Variants in NDST3 observed in about 807,000 individuals in gnomAD.
The protein encoded by NDST3 is N-deacetylase and N-sulfotransferase 3, also known as bifunctional heparan sulfate N-deacetylase/N-sulfotransferase 3.
NDST3 carries 58 observed loss-of-function variants against 96.1 expected under a neutral mutation model. That is an observed-to-expected ratio of 0.60 (90% CI 0.49 to 0.75). The LOEUF is 0.75. Among genes scored for constraint, NDST3 ranks in the 30% least tolerant of loss-of-function variants. NDST3 has a pLI of 0.00. For synonymous variants in NDST3, 333 were observed against 359.7 expected (o/e 0.93, Z 0.84); for missense variants, 788 against 1,034.2 (o/e 0.76, Z 3.27).
chr4:118,097,201 A>G (rs1460909054), intron 2 of NDST3, among the ~76,000 whole-genome samples: 3 of 151,950 alleles, frequency 2.0e-5, no homozygotes, highest in Non-Finnish European at 4.4e-5. Flanking sequence ...GTTAACCCTC[A>G]CAGAGTACTT....
intron 6 of NDST3, among the ~76,000 whole-genome samples, chr4:118,166,242 A>G (rs1020789717): frequency 6.6e-6 from 1 of 151,928 alleles, no homozygotes; most frequent in Non-Finnish European, 1.5e-5. Context: ...GATCACTGGA[A>G]TAAAGATGAT....
intron 5 of NDST3, among the ~76,000 whole-genome samples, chr4:118,142,285 A>G (rs1446752588): frequency 6.6e-6 from 1 of 151,830 alleles, no homozygotes; most frequent in Admixed American, 6.6e-5. Context: ...CAACTTACCA[A>G]AATAAATAGG....
intron 6 of NDST3, among the ~76,000 whole-genome samples, chr4:118,200,687 G>A (rs186948271): frequency 6.6e-6 from 1 of 152,130 alleles, no homozygotes; most frequent in East Asian, 1.9e-4. Flanking sequence ...CTTTTATAAG[G>A]AGTCTTTAAT....
intron 1 of NDST3, among the ~76,000 whole-genome samples, chr4:118,038,580 A>C (rs760207744): frequency 6.6e-6 from 1 of 152,134 alleles, no homozygotes; most frequent in Non-Finnish European, 1.5e-5. Context: ...ACATGACACA[A>C]TTTCACACAT....
chr4:118,146,060 G>T (rs1457170064), intron 6 of NDST3, among the ~76,000 whole-genome samples: 3 of 152,322 alleles, frequency 2.0e-5, no homozygotes, highest in Non-Finnish European at 4.4e-5. Context: ...TCTCCATCCT[G>T]AAATTAAGTG....
At chr4:118,103,056 A>G (rs1039798723) in intron 2 of NDST3, among the ~76,000 whole-genome samples, 5 of 152,130 alleles carry the variant, frequency 3.3e-5, no homozygotes, top group Non-Finnish European at 7.4e-5. Context: ...CTAAGGCCTA[A>G]GAAGAAGACA....
chr4:118,070,192 T>C (rs1213549695), intron 2 of NDST3, among the ~76,000 whole-genome samples: 1 of 152,118 alleles, frequency 6.6e-6, no homozygotes, highest in Non-Finnish European at 1.5e-5. Context: ...GATTTAATCA[T>C]TGCTAAGGTC....
At chr4:118,104,450 A>G (rs1730006805) in intron 2 of NDST3, among the ~76,000 whole-genome samples, 2 of 152,238 alleles carry the variant, frequency 1.3e-5, no homozygotes, top group Admixed American at 1.3e-4. Context: ...GATTCAAAAT[A>G]GCTTTACTTA....
chr4:118,165,485 T>C (rs928738246), intron 6 of NDST3, among the ~76,000 whole-genome samples: 3 of 152,040 alleles, frequency 2.0e-5, no homozygotes, highest in Admixed American at 2.0e-4. Context: ...TAGTAGAAGA[T>C]AGCATCCTAC....
At chr4:118,034,418 A>G (rs1005746479), upstream of NDST3, 1 of 152,088 alleles carries the variant, frequency 6.6e-6, no homozygotes, top group African/African-American at 2.4e-5. Context: ...TAGCAGTTTG[A>G]TGGCTAATAT....
At chr4:118,148,445 T>C (rs1734122014) in intron 6 of NDST3, among the ~76,000 whole-genome samples, 2 of 152,182 alleles carry the variant, frequency 1.3e-5, no homozygotes, top group African/African-American at 4.8e-5. Context: ...TTTTATTAAA[T>C]GCTTTTTGTC....
chr4:118,114,836 G>A lies in NDST3; in HGVS notation c.1100G>A (p.Cys367Tyr). 6.2e-7 allele frequency: 1 copy of A among 1,614,058 alleles called. No homozygotes were observed. The highest frequency in any genetic ancestry group is 1.1e-5 in the South Asian group (1 of 91,076). Residue 367 changes from cysteine (C) to tyrosine (Y), a missense_variant, in exon 4 of 14, where the codon TGT (cysteine) becomes TAT (tyrosine). Cys to Tyr is a radical substitution (Grantham distance 194). This residue lies in a region of NDST3 where 490 missense variants were observed against 708.8 expected (regional missense o/e 0.69). Coordinates refer to ENST00000296499, the MANE Select transcript of NDST3 (RefSeq NM_004784.3). ...GAAGAGGAAGATGAAGGAGATGACT[G>A]TCTGTTGGGGTCTGTGGATGAGTTC... is the stretch of plus-strand genomic sequence containing the variant. The part of the protein sequence containing the change: ...GTEEEDEGDD[C>Y]LLGSVDEFWW...
chr4:118,152,856 G>T (rs1734487990), intron 6 of NDST3, among the ~76,000 whole-genome samples: 1 of 152,172 alleles, frequency 6.6e-6, no homozygotes, highest in Admixed American at 6.5e-5. Flanking sequence ...ACTGCTGACT[G>T]CCTCGTCCGC....
chr4:118,126,209 T>C (rs909869618), intron 4 of NDST3, among the ~76,000 whole-genome samples: 3 of 152,090 alleles, frequency 2.0e-5, no homozygotes, highest in Non-Finnish European at 4.4e-5. Flanking sequence ...TAGTACATAT[T>C]ATTCATGCTT....
chr4:118,252,194 T>C (rs1349555689), intron 12 of NDST3, among the ~76,000 whole-genome samples: 2 of 152,232 alleles, frequency 1.3e-5, no homozygotes, highest in Non-Finnish European at 2.9e-5. Flanking sequence ...ATCATTGCTA[T>C]TACATTCACT....
intron 2 of NDST3, among the ~76,000 whole-genome samples, chr4:118,070,852 G>C (rs1727007538): frequency 6.6e-6 from 1 of 151,954 alleles, no homozygotes; most frequent in South Asian, 2.1e-4. Flanking sequence ...CTGTGTCCAA[G>C]TGTTCTCATT....
intron 6 of NDST3, among the ~76,000 whole-genome samples, chr4:118,219,806 A>T (rs1172830514): frequency 6.6e-6 from 1 of 151,952 alleles, no homozygotes; most frequent in African/African-American, 2.4e-5. Context: ...AATTTAAACA[A>T]ATCTACAAGG....
chr4:118,076,589 T>A (rs1727553629), intron 2 of NDST3, among the ~76,000 whole-genome samples: 1 of 152,234 alleles, frequency 6.6e-6, no homozygotes. Context: ...ATTCTGCTGT[T>A]AATACTTTCA....
At chr4:118,155,905 T>C (rs1734681921) in intron 6 of NDST3, among the ~76,000 whole-genome samples, 1 of 152,214 alleles carries the variant, frequency 6.6e-6, no homozygotes, top group African/African-American at 2.4e-5. Context: ...AGAAAATAGA[T>C]ATTAAGTTGG....
Sources: gnomAD v4.1 joint callset for allele counts (sites outside exome capture counted in the v4.1 genomes callset) on GRCh38, gnomAD v4.1.1 for gene constraint, gnomAD v4.1.1 regional missense constraint, MANE v1.5 for transcripts, NCBI Gene and HGNC (gene_info 2026-07-23, HGNC 2026-07-21) for gene names.